The following WDR27 variants were observed in gnomAD, a reference collection of about 807,000 sequenced individuals.
WDR27 encodes the protein WD repeat domain 27.
In WDR27, 100 loss-of-function variants were observed where a neutral mutation model predicts 114.4. That is an observed-to-expected ratio of 0.87 (90% confidence interval 0.74 to 1.03). The LOEUF (loss-of-function observed/expected upper bound fraction) is 1.03, where lower values mean the gene tolerates loss of function less well. Among genes scored for constraint, WDR27 ranks in the 50% least tolerant of loss-of-function variants. The pLI is 0.00. For synonymous variants in WDR27, 449 were observed against 423.1 expected (o/e 1.06, Z -0.75); for missense variants, 1,129 against 1,092.9 (o/e 1.03, Z -0.47).
intron 25 of WDR27, among the ~76,000 whole-genome samples, chr6:169,547,602 C>A (rs930166852): frequency 1.2e-4 from 18 of 152,054 alleles, no homozygotes; most frequent in African/African-American, 4.3e-4. Context: ...TGACAAAATA[C>A]CACATCCATT....
intron 15 of WDR27, among the ~76,000 whole-genome samples, chr6:169,648,522 AT>A (rs2128238824): frequency 6.6e-6 from 1 of 152,390 alleles, no homozygotes; most frequent in South Asian, 2.1e-4. Flanking sequence ...CGTGCGTAAT[AT>A]CAGGCAGAAC....
chr6:169,540,490 C>T (rs980074818), intron 25 of WDR27, among the ~76,000 whole-genome samples: 8 of 150,618 alleles, frequency 5.3e-5, no homozygotes, highest in Non-Finnish European at 7.4e-5. Flanking sequence ...AGTGCAGTGG[C>T]GAGATCTCGG....
intron 12 of WDR27, 48 bp from the exon 13 acceptor site, chr6:169,658,406 C>A (rs548151701): frequency 1.3e-5 from 18 of 1,403,846 alleles, no homozygotes; most frequent in Non-Finnish European, 1.6e-5. Context: ...AACGACGATA[C>A]GATGGAAATG....
At chr6:169,646,369 G>C (rs573903204) in intron 16 of WDR27, among the ~76,000 whole-genome samples, 1 of 152,300 alleles carries the variant, frequency 6.6e-6, no homozygotes, top group Non-Finnish European at 1.5e-5. Flanking sequence ...ACAAGGTCCT[G>C]GAGCCTGCCT....
At chr6:169,674,395 C>T (rs1779552443) in intron 2 of WDR27, among the ~76,000 whole-genome samples, 1 of 152,040 alleles carries the variant, frequency 6.6e-6, no homozygotes, top group African/African-American at 2.4e-5. Context: ...TTAAAAGTCC[C>T]AAACCTAACT....
rs777906888 is a variant in WDR27 at position 169,662,335 on chromosome 6, G to A, written c.994C>T (p.Leu332Phe). The A allele has an allele frequency of 1.9e-6, 3 of 1,613,958 alleles. No homozygotes were observed. Among genetic ancestry groups the A allele is most frequent in the Non-Finnish European group, 2.5e-6 (3 of 1,179,826 alleles). Residue 332 changes from leucine to phenylalanine, a missense_variant, in exon 9 of 26, where the codon CTC becomes TTC. Physicochemically the swap from Leu to Phe is conservative, Grantham distance 22 (BLOSUM62 0). Coordinates refer to ENST00000448612, the MANE Select transcript of WDR27 (RefSeq NM_182552.5). ...FPVLRLAPCD[L>F]SLIPNSACGC... The stretch of plus-strand genomic sequence containing the variant: ...CATGCAGAATTTGGGATGAGTGAGA[G>A]ATCACAGGGTGCAAGTCTCAGTACA...
chr6:169,496,167 C>T (rs915408570), intron 25 of WDR27, among the ~76,000 whole-genome samples: 1 of 151,936 alleles, frequency 6.6e-6, no homozygotes, highest in African/African-American at 2.4e-5. Context: ...GGAAAAAATG[C>T]ATGATTATCT....
At chr6:169,473,694 A>C (rs542071468) in intron 25 of WDR27, among the ~76,000 whole-genome samples, 89 of 151,938 alleles carry the variant, frequency 5.9e-4, no homozygotes, top group Middle Eastern at 6.8e-3. Flanking sequence ...GGTTTGGGGA[A>C]AACCAGAGCC....
intron 25 of WDR27, among the ~76,000 whole-genome samples, chr6:169,514,439 T>C (rs938446072): frequency 6.7e-6 from 1 of 148,922 alleles, no homozygotes; most frequent in East Asian, 2.0e-4. Context: ...TGTAATAAAC[T>C]ATTGTTAATA....
At chr6:169,498,020 G>A (rs1790632740) in intron 25 of WDR27, among the ~76,000 whole-genome samples, 1 of 152,034 alleles carries the variant, frequency 6.6e-6, no homozygotes, top group South Asian at 2.1e-4. Flanking sequence ...GTCCATGAAT[G>A]GATGAGTATA....
chr6:169,683,594 C>A (rs1160043914), intron 2 of WDR27, among the ~76,000 whole-genome samples: 5 of 152,072 alleles, frequency 3.3e-5, no homozygotes, highest in African/African-American at 1.2e-4. Flanking sequence ...AGGAAGAGCA[C>A]TGCAACACAG....
downstream of WDR27, among the ~76,000 whole-genome samples, chr6:169,453,389 A>G (rs528980377): frequency 1.0e-4 from 15 of 147,978 alleles, no homozygotes; most frequent in African/African-American, 2.7e-4. Flanking sequence ...ATCCGTTGGG[A>G]AAAAAAAAAG....
At chr6:169,598,261 T>C (rs1807234142) in intron 23 of WDR27, among the ~76,000 whole-genome samples, 1 of 152,210 alleles carries the variant, frequency 6.6e-6, no homozygotes, top group Non-Finnish European at 1.5e-5. Flanking sequence ...TGTTTTGTGA[T>C]GCTATAACAC....
intron 23 of WDR27, among the ~76,000 whole-genome samples, chr6:169,584,561 A>G (rs911943792): frequency 1.3e-5 from 2 of 152,210 alleles, no homozygotes; most frequent in African/African-American, 4.8e-5. Flanking sequence ...ACACCCTCAC[A>G]ACATTTGCTA....
intron 23 of WDR27, among the ~76,000 whole-genome samples, chr6:169,592,556 T>C (rs1315726574): frequency 6.6e-6 from 1 of 152,242 alleles, no homozygotes; most frequent in Admixed American, 6.5e-5. Context: ...TACTAATCTT[T>C]CACTTAATTA....
At chr6:169,498,811 G>C (rs2867164) in intron 25 of WDR27, among the ~76,000 whole-genome samples, 53,022 of 152,042 alleles carry the variant, frequency 0.35, 10,149 homozygotes, top group African/African-American at 0.51. Context: ...AGTTGCCAGG[G>C]GTTATGGATG....
At chr6:169,580,981 T>C (rs988697543) in intron 24 of WDR27, among the ~76,000 whole-genome samples, 1 of 146,238 alleles carries the variant, frequency 6.8e-6, no homozygotes, top group Non-Finnish European at 1.5e-5. Context: ...ATTCGGTATA[T>C]GATATCATTA....
At position 169,659,730 on chromosome 6, in the gene WDR27, G is replaced by A. The variant is rs1437433517; in HGVS notation, c.1130-212C>T. On this transcript the variant is annotated intron_variant, in intron 10 of 25. Coordinates refer to ENST00000448612, the MANE Select transcript of WDR27 (RefSeq NM_182552.5). The surrounding 1 kb of genome is among the most constrained non-coding windows in gnomAD (Gnocchi z 4.3). ...AGCGCACACACCACACACACACCAG[G>A]CCCTGAGCGTCACACATGCCAGGCT... is the stretch of plus-strand genomic sequence containing the variant. 6.6e-6 allele frequency among the ~76,000 whole-genome samples: 1 copy of A among 152,002 alleles called. No homozygotes were observed. Among genetic ancestry groups the A allele is most frequent in the East Asian group, 1.9e-4 (1 of 5,172 alleles).
intron 21 of WDR27, 104 bp from the exon 22 acceptor site, chr6:169,613,760 CA>C: frequency 9.5e-7 from 1 of 1,055,614 alleles, no homozygotes. Context: ...AAGATATTAA[CA>C]CAAAGTTTTT....
Sources: allele counts gnomAD v4.1 joint callset (sites outside exome capture counted in the v4.1 genomes callset), GRCh38; gene constraint gnomAD v4.1.1; non-coding constraint Gnocchi (gnomAD v3.1); transcripts MANE v1.5; gene names NCBI Gene and HGNC (gene_info 2026-07-23, HGNC 2026-07-21).